CIMIP6: variants seen among roughly 807,000 people sequenced by gnomAD.
The protein encoded by CIMIP6 is uncharacterized protein C2orf73.
the CIMIP6 span, among the ~76,000 whole-genome samples, chr2:54,362,433 T>C: frequency 3.3e-5 from 5 of 152,248 alleles, no homozygotes; most frequent in African/African-American, 1.2e-4. Context: ...TTATGTTGCC[T>C]TTTCTGTTAT....
chr2:54,354,918 T>C, the CIMIP6 span, among the ~76,000 whole-genome samples: 1 of 152,086 alleles, frequency 6.6e-6, no homozygotes, highest in Non-Finnish European at 1.5e-5. Context: ...TTAATCCTTA[T>C]CTTTTTCAGG....
the CIMIP6 span, chr2:54,335,137 C>A: frequency 1.3e-6 from 1 of 798,328 alleles, no homozygotes; most frequent in Non-Finnish European, 1.9e-6. Flanking sequence ...TAGTACTTAT[C>A]ATAATCCAAT....
chr2:54,377,660 G>GCT, the CIMIP6 span, among the ~76,000 whole-genome samples: 1 of 152,088 alleles, frequency 6.6e-6, no homozygotes, highest in African/African-American at 2.4e-5. Context: ...TGAAAATCCA[G>GCT]CTCTCTCTGT....
At chr2:54,355,214 G>A in the CIMIP6 span, among the ~76,000 whole-genome samples, 1 of 152,064 alleles carries the variant, frequency 6.6e-6, no homozygotes, top group African/African-American at 2.4e-5. Flanking sequence ...TTAACCTGTT[G>A]TTACTCCTTC....
At chr2:54,367,690 C>A in the CIMIP6 span, among the ~76,000 whole-genome samples, 4 of 152,012 alleles carry the variant, frequency 2.6e-5, no homozygotes, top group South Asian at 6.2e-4. Context: ...ACTTCATTGC[C>A]AACTTAAGAT....
chr2:54,358,933 C>T, the CIMIP6 span: 34 of 1,247,264 alleles, frequency 2.7e-5, no homozygotes, highest in African/African-American at 4.6e-4. Flanking sequence ...ATTTTTTGTC[C>T]TGACTTCACA....
At chr2:54,374,665 G>A in the CIMIP6 span, among the ~76,000 whole-genome samples, 2 of 152,222 alleles carry the variant, frequency 1.3e-5, no homozygotes, top group African/African-American at 4.8e-5. Context: ...AAAAGGCTGG[G>A]ATAAGCCTGA....
chr2:54,330,912 C>T, the CIMIP6 span: 1 of 1,543,708 alleles, frequency 6.5e-7, no homozygotes, highest in East Asian at 2.2e-5. Flanking sequence ...GCACCCTTTT[C>T]CTGGCAGGGC....
chr2:54,377,660 GCTCT>G, the CIMIP6 span, among the ~76,000 whole-genome samples: 3 of 152,088 alleles, frequency 2.0e-5, no homozygotes, highest in Non-Finnish European at 2.9e-5. Flanking sequence ...TGAAAATCCA[GCTCT>G]CTCTGTGTTT....
the CIMIP6 span, among the ~76,000 whole-genome samples, chr2:54,346,673 C>T: frequency 1.3e-5 from 2 of 152,194 alleles, no homozygotes; most frequent in Admixed American, 6.5e-5. Flanking sequence ...AATCCATCAG[C>T]AAATTGTGAC....
At chr2:54,345,871 C>T in the CIMIP6 span, among the ~76,000 whole-genome samples, 1 of 152,076 alleles carries the variant, frequency 6.6e-6, no homozygotes, top group Non-Finnish European at 1.5e-5. Flanking sequence ...TAAAAGTTTC[C>T]ATAAAGGGAT....
At chr2:54,356,214 G>A in the CIMIP6 span, among the ~76,000 whole-genome samples, 1 of 151,688 alleles carries the variant, frequency 6.6e-6, no homozygotes, top group African/African-American at 2.4e-5. Context: ...CAGCATTGAC[G>A]GTTGCTGGGG....
the CIMIP6 span, among the ~76,000 whole-genome samples, chr2:54,374,120 C>T: frequency 6.6e-6 from 1 of 152,236 alleles, no homozygotes; most frequent in Non-Finnish European, 1.5e-5. Flanking sequence ...CCTCCTTAGC[C>T]TGTACCGTAC....
chr2:54,383,654 T>C, the CIMIP6 span: 1 of 152,048 alleles, frequency 6.6e-6, no homozygotes, highest in Admixed American at 6.5e-5. Flanking sequence ...CTACCATAAA[T>C]AATTATTCGC....
At chr2:54,353,530 A>C in the CIMIP6 span, among the ~76,000 whole-genome samples, 2 of 151,646 alleles carry the variant, frequency 1.3e-5, no homozygotes, top group Non-Finnish European at 2.9e-5. Flanking sequence ...TGCAGAGGGG[A>C]GATTGGGAGT....
chr2:54,372,687 A>G, the CIMIP6 span, among the ~76,000 whole-genome samples: 4 of 152,202 alleles, frequency 2.6e-5, no homozygotes, highest in East Asian at 1.9e-4. Context: ...TGGAAAAGTC[A>G]TCTTGGAAGT....
chr2:54,356,143 T>TAAAA, the CIMIP6 span, among the ~76,000 whole-genome samples: 125 of 136,650 alleles, frequency 9.1e-4, no homozygotes, highest in African/African-American at 3.2e-3. Context: ...CTTAAACTGT[T>TAAAA]AAAAAAAAAA....
At chr2:54,367,847 C>T in the CIMIP6 span, among the ~76,000 whole-genome samples, 2 of 152,138 alleles carry the variant, frequency 1.3e-5, no homozygotes, top group African/African-American at 2.4e-5. Flanking sequence ...TTTTTACTTA[C>T]TTGCAATATT....
the CIMIP6 span, among the ~76,000 whole-genome samples, chr2:54,333,981 A>G: frequency 2.6e-5 from 4 of 152,206 alleles, no homozygotes; most frequent in African/African-American, 9.7e-5. Flanking sequence ...AGGGCTGTGT[A>G]TAAGATTAAA....
Sources: gnomAD v4.1 joint callset for allele counts (sites outside exome capture counted in the v4.1 genomes callset) on GRCh38, gnomAD v4.1.1 for gene constraint, MANE v1.5 for transcripts, NCBI Gene and HGNC (gene_info 2026-07-23, HGNC 2026-07-21) for gene names.